Variants in DTNBP1 observed in about 807,000 individuals in gnomAD.
DTNBP1 encodes the protein dysbindin.
In DTNBP1, 35 loss-of-function variants were observed where a neutral mutation model predicts 42.8. That is an observed-to-expected ratio of 0.82 (90% CI 0.63 to 1.09). The LOEUF (loss-of-function observed/expected upper bound fraction) is 1.09, where lower values mean the gene tolerates loss of function less well. Ranked by LOEUF, DTNBP1 falls within the 50% of genes least tolerant of loss-of-function variation. The pLI, the probability that DTNBP1 is intolerant of heterozygous loss-of-function variation, is 0.00. For synonymous variants in DTNBP1, 171 were observed against 162.2 expected (o/e 1.05, Z -0.41); for missense variants, 457 against 424.2 (o/e 1.08, Z -0.68).
intron 1 of DTNBP1, 137 bp downstream of exon 1, chr6:15,662,677 C>T (rs1761717522): frequency 7.7e-7 from 1 of 1,294,768 alleles, no homozygotes; most frequent in Non-Finnish European, 1.1e-6. Context: ...TCGTTACTTT[C>T]CTCGGCGGGG....
In DTNBP1 at chr6:15,523,741, C is replaced by T. The variant is rs16876561; in HGVS notation, c.812-522G>A. On this transcript the variant is annotated intron_variant, in intron 9 of 9. Transcript: ENST00000344537. ...TCCCCTGACTCTGGGTGAGGGTTCA[C>T]GCTGGTCTCCAGTATTCTGGCCTTC... The T allele has an allele frequency of 3.6e-4, 467 of 1,287,214 alleles. No individual in the cohort carries two copies. In the African/African-American group the frequency reaches 5.7e-3, roughly 16 times the overall value. The allele number at this position is 1,287,214 out of a possible 1,614,324, so 79.7% of individuals were successfully genotyped here. A position where few individuals can be genotyped will look rare whatever the true frequency, so the allele number is the denominator to read the frequency against.
chr6:15,534,427 G>A (rs1169397618), intron 7 of DTNBP1, among the ~76,000 whole-genome samples: 5 of 152,094 alleles, frequency 3.3e-5, no homozygotes, highest in Admixed American at 6.5e-5. Flanking sequence ...CGAGGCAGGC[G>A]GATCACCTGA....
chr6:15,534,317 C>T (rs1207317807), intron 7 of DTNBP1, among the ~76,000 whole-genome samples: 1 of 152,086 alleles, frequency 6.6e-6, no homozygotes, highest in Non-Finnish European at 1.5e-5. Flanking sequence ...TCTATGTACA[C>T]ATAAAATGGT....
intron 6 of DTNBP1, among the ~76,000 whole-genome samples, chr6:15,606,964 T>C (rs1415312373): frequency 6.6e-6 from 1 of 152,068 alleles, no homozygotes; most frequent in African/African-American, 2.4e-5. Context: ...TACATGCAAA[T>C]TGATTCTGTG....
At chr6:15,645,323 T>C (rs1760613501) in intron 3 of DTNBP1, among the ~76,000 whole-genome samples, 2 of 151,830 alleles carry the variant, frequency 1.3e-5, no homozygotes, top group African/African-American at 2.4e-5. Flanking sequence ...AAAAAAGCCC[T>C]AGACCAGATG....
chr6:15,563,227 G>T (rs1774920841), intron 7 of DTNBP1, among the ~76,000 whole-genome samples: 1 of 152,100 alleles, frequency 6.6e-6, no homozygotes, highest in Admixed American at 6.6e-5. Context: ...TCCTAATAAA[G>T]TGAAACCCAA....
intron 8 of DTNBP1, among the ~76,000 whole-genome samples, chr6:15,526,734 A>C (rs1007753543): frequency 6.6e-6 from 1 of 152,198 alleles, no homozygotes; most frequent in Non-Finnish European, 1.5e-5. Flanking sequence ...GACCTACGGA[A>C]GCCTTTCGCC....
intron 6 of DTNBP1, among the ~76,000 whole-genome samples, chr6:15,610,171 G>A (rs766164949): frequency 3.3e-5 from 5 of 152,126 alleles, no homozygotes; most frequent in African/African-American, 4.8e-5. Context: ...CTGGCTAAGC[G>A]GAGGATCAAG....
chr6:15,587,973 T>C lies in DTNBP1; in HGVS notation c.511+5086A>G, dbSNP rs1776148119. 1.3e-5 allele frequency among the ~76,000 whole-genome samples: 2 copies of C among 152,200 alleles called. No individual in the cohort carries two copies. The highest frequency in any genetic ancestry group is 1.3e-4 in the Admixed American group (2 of 15,276). On this transcript the variant is annotated intron_variant, in intron 7 of 9. Transcript: ENST00000344537. The surrounding 1 kb of genome is among the most constrained non-coding windows in gnomAD (Gnocchi z 4.1). The stretch of plus-strand genomic sequence containing the variant: ...ACACAAACTTGTCATACAATCCATA[T>C]ATTCTAGTCTTAGCTATATACCCAA...
chr6:15,567,212 T>A (rs1323425435), intron 7 of DTNBP1, among the ~76,000 whole-genome samples: 1 of 151,880 alleles, frequency 6.6e-6, no homozygotes, highest in African/African-American at 2.4e-5. Context: ...CTCAACACTT[T>A]GGGAGGCTTA....
chr6:15,594,092 C>T (rs536574476), intron 6 of DTNBP1, among the ~76,000 whole-genome samples: 2 of 152,248 alleles, frequency 1.3e-5, no homozygotes, highest in South Asian at 4.1e-4. Context: ...CCGTTTTTTC[C>T]TAACAATATC....
intron 7 of DTNBP1, among the ~76,000 whole-genome samples, chr6:15,568,217 A>C (rs1775184110): frequency 6.6e-6 from 1 of 152,248 alleles, no homozygotes; most frequent in Non-Finnish European, 1.5e-5. Context: ...AAAGAATCTG[A>C]ACAAACAGGT....
intron 7 of DTNBP1, among the ~76,000 whole-genome samples, chr6:15,560,297 CTG>C (rs1315873484): frequency 2.0e-5 from 3 of 150,890 alleles, no homozygotes; most frequent in Admixed American, 6.6e-5. Context: ...CGGAGCGAGA[CTG>C]TCTCAAAAAA....
chr6:15,541,114 G>C (rs543511860), intron 7 of DTNBP1, among the ~76,000 whole-genome samples: 1 of 152,210 alleles, frequency 6.6e-6, no homozygotes, highest in South Asian at 2.1e-4. Context: ...TGAGGACCGA[G>C]TATAGTTGCA....
chr6:15,625,546 T>C (rs1167575246), intron 5 of DTNBP1, among the ~76,000 whole-genome samples: 1 of 152,178 alleles, frequency 6.6e-6, no homozygotes, highest in Non-Finnish European at 1.5e-5. Flanking sequence ...ACATCAAACA[T>C]TTTTCAGGAT....
intron 6 of DTNBP1, among the ~76,000 whole-genome samples, chr6:15,596,857 G>A (rs1776535378): frequency 6.6e-6 from 1 of 152,130 alleles, no homozygotes; most frequent in Non-Finnish European, 1.5e-5. Context: ...CGTCATCTCA[G>A]TTAATGGCAT....
chr6:15,537,962 T>C (rs1337092976), intron 7 of DTNBP1, among the ~76,000 whole-genome samples: 1 of 152,226 alleles, frequency 6.6e-6, no homozygotes, highest in Non-Finnish European at 1.5e-5. Flanking sequence ...TTTGACCTGG[T>C]ACATGGGTAA....
At chr6:15,617,959 C>G (rs1198633306) in intron 5 of DTNBP1, among the ~76,000 whole-genome samples, 1 of 151,834 alleles carries the variant, frequency 6.6e-6, no homozygotes, top group East Asian at 1.9e-4. Flanking sequence ...GGAGAAAATA[C>G]CTACAAACTA....
At chr6:15,604,179 A>C (rs1776839596) in intron 6 of DTNBP1, among the ~76,000 whole-genome samples, 1 of 152,194 alleles carries the variant, frequency 6.6e-6, no homozygotes, top group Non-Finnish European at 1.5e-5. Flanking sequence ...GTGTCTTAAA[A>C]ACATTCTCTC....
Sources: allele counts gnomAD v4.1 joint callset (sites outside exome capture counted in the v4.1 genomes callset), GRCh38; gene constraint gnomAD v4.1.1; non-coding constraint Gnocchi (gnomAD v3.1); transcripts MANE v1.5; gene names NCBI Gene and HGNC (gene_info 2026-07-23, HGNC 2026-07-21).